CSPP1: variants seen among roughly 807,000 people sequenced by gnomAD.
The protein encoded by CSPP1 is centrosome and spindle pole-associated protein 1.
Under a neutral mutation model 164.4 loss-of-function variants are expected in CSPP1, and 126 were observed. The observed-to-expected ratio is 0.77, with a 90% CI of 0.66 to 0.89. The LOEUF (loss-of-function observed/expected upper bound fraction) is 0.89, where lower values mean the gene tolerates loss of function less well. Ranked by LOEUF, CSPP1 falls within the 40% of genes least tolerant of loss-of-function variation. The pLI, the probability that CSPP1 is intolerant of heterozygous loss-of-function variation, is 0.00. For missense variants in CSPP1, 1,395 were observed against 1,449.8 expected, an observed-to-expected ratio of 0.96 and a Z score of 0.61; for synonymous variants, 472 against 476.7, an observed-to-expected ratio of 0.99 and a Z score of 0.13.
chr8:67,083,526 T>C (rs1809662420), intron 3 of CSPP1, among the ~76,000 whole-genome samples: 1 of 96,246 alleles, frequency 1.0e-5, no homozygotes, highest in African/African-American at 5.1e-5. Flanking sequence ...AGTGAGACTT[T>C]GTCTCAAAAA....
chr8:67,176,482 A>G (rs1354962991), intron 26 of CSPP1, among the ~76,000 whole-genome samples: 3 of 152,174 alleles, frequency 2.0e-5, no homozygotes, highest in East Asian at 3.8e-4. Context: ...ATTTTTAATA[A>G]CAGCCTCATA....
At chr8:67,115,873 A>G (rs1033448599) in intron 12 of CSPP1, 41 bp from the exon 13 acceptor site, 1 of 1,522,924 alleles carries the variant, frequency 6.6e-7, no homozygotes, top group Non-Finnish European at 9.1e-7. Flanking sequence ...CTTTAAACTT[A>G]TGATTATATG....
intron 3 of CSPP1, chr8:67,084,013 T>C (rs537829087): frequency 6.6e-6 from 1 of 152,332 alleles, no homozygotes; most frequent in Non-Finnish European, 1.5e-5. Flanking sequence ...CATTATAAAA[T>C]TGAATAGCGC....
intron 19 of CSPP1, chr8:67,157,705 A>G (rs1011752640): frequency 6.6e-6 from 1 of 152,406 alleles, no homozygotes; most frequent in Admixed American, 6.5e-5. Flanking sequence ...AACCAGAGAC[A>G]TGAATACCTG....
chr8:67,138,765 C>A (rs1182616930), intron 17 of CSPP1, among the ~76,000 whole-genome samples: 1 of 152,168 alleles, frequency 6.6e-6, no homozygotes, highest in Non-Finnish European at 1.5e-5. Context: ...ATGGTAGTTT[C>A]TTTTGCCATG....
rs375985758 is a variant in CSPP1, at chr8:67,076,530, A to G, written c.148A>G (p.Met50Val). 3.7e-5 allele frequency: 59 copies of G among 1,604,282 alleles called. No homozygotes were observed. In the African/African-American group the frequency reaches 5.4e-4, roughly 15 times the overall value. ...LSENSKILIS[M>V]AKENIPPNSQ... Reference sequence around the variant, plus strand: ...TGAAAACAGTAAGATACTGATCTCTATGGCTAAGGAAAACATACCACCAAA... The same window carrying G: ...TGAAAACAGTAAGATACTGATCTCTGTGGCTAAGGAAAACATACCACCAAA... The change falls in exon 3 of 31, where the codon ATG (methionine) becomes GTG (valine). Residue 50 changes from methionine to valine, a missense_variant. Coordinates refer to ENST00000678616, the MANE Select transcript of CSPP1 (RefSeq NM_001382391.1).
At chr8:67,107,983 G>GTTTTTTTTTTTTTTTTTTTTTT (rs34204898) in intron 9 of CSPP1, among the ~76,000 whole-genome samples, 9 of 127,160 alleles carry the variant, frequency 7.1e-5, no homozygotes, top group African/African-American at 1.8e-4. Flanking sequence ...CTTTGACAAA[G>GTTTTTTTTTTTTTTTTTTTTTT]TTTTTTTTTT....
chr8:67,085,294 A>T (rs1810147891), intron 3 of CSPP1, among the ~76,000 whole-genome samples: 1 of 152,074 alleles, frequency 6.6e-6, no homozygotes, highest in Non-Finnish European at 1.5e-5. Flanking sequence ...ATCCATTTTT[A>T]TGAAATCAGA....
At chr8:67,076,792 T>G (rs567629566) in intron 3 of CSPP1, among the ~76,000 whole-genome samples, 1 of 152,346 alleles carries the variant, frequency 6.6e-6, no homozygotes, top group South Asian at 2.1e-4. Flanking sequence ...GGTTATGATT[T>G]ATGGAACTTA....
chr8:67,181,119 C>T (rs1832918839), intron 28 of CSPP1, among the ~76,000 whole-genome samples: 2 of 151,894 alleles, frequency 1.3e-5, no homozygotes. Context: ...CTCACTACAG[C>T]CTCAAATTCC....
chr8:67,087,112 C>A (rs1384282810), intron 4 of CSPP1, among the ~76,000 whole-genome samples: 2 of 144,604 alleles, frequency 1.4e-5, no homozygotes, highest in East Asian at 3.9e-4. Flanking sequence ...CTTATGCATT[C>A]TTTTTGAATA....
intron 15 of CSPP1, among the ~76,000 whole-genome samples, chr8:67,130,966 C>T (rs141691277): frequency 0.083 from 12,600 of 151,660 alleles, 1,066 homozygotes; most frequent in African/African-American, 0.22. Context: ...TCAGCCTGGG[C>T]GACAAGAGTG....
intron 23 of CSPP1, 105 bp downstream of exon 23, chr8:67,163,903 G>C: frequency 1.2e-6 from 1 of 829,226 alleles, no homozygotes; most frequent in Non-Finnish European, 1.9e-6. Flanking sequence ...GTATAGAGCG[G>C]TTAGGTGCTG....
At chr8:67,092,594 C>T (rs1239908772) in intron 5 of CSPP1, among the ~76,000 whole-genome samples, 1 of 152,072 alleles carries the variant, frequency 6.6e-6, no homozygotes, top group Non-Finnish European at 1.5e-5. Context: ...CAGGCCCCTG[C>T]CACCAAGCCC....
At chr8:67,182,317 CTT>C (rs112406408) in intron 28 of CSPP1, among the ~76,000 whole-genome samples, 23 of 146,218 alleles carry the variant, frequency 1.6e-4, no homozygotes, top group Admixed American at 9.5e-4. Context: ...CAGATTTCCC[CTT>C]TTTTTTTTTA....
At position 67,064,590 on chromosome 8, in the gene CSPP1, C is replaced by A. The variant is rs892439736; in HGVS notation, c.-11+52C>A. ...GGGTGGAGGGTCCTGGGGCTGCATT[C>A]GCTGCCCCGGAGCGGGGGCAGGGGC... is the stretch of plus-strand genomic sequence containing the variant. On this transcript the variant is annotated intron_variant, in intron 1 of 30. Transcript: ENST00000678616. 4.3e-6 allele frequency: 6 copies of A among 1,397,732 alleles called. No homozygotes were observed. In the African/African-American group the frequency reaches 7.3e-5, roughly 17 times the overall value. The allele number at this position is 1,397,732 out of a possible 1,614,324, so 86.6% of individuals were successfully genotyped here.
chr8:67,149,438 T>C (rs1231057063), intron 17 of CSPP1, among the ~76,000 whole-genome samples: 1 of 152,184 alleles, frequency 6.6e-6, no homozygotes, highest in Non-Finnish European at 1.5e-5. Context: ...ACAGGTAAAT[T>C]ACACTATGAG....
At chr8:67,076,228 T>C (rs537972525) in intron 2 of CSPP1, among the ~76,000 whole-genome samples, 4 of 152,306 alleles carry the variant, frequency 2.6e-5, no homozygotes, top group Admixed American at 2.0e-4. Context: ...ACTCTTATAC[T>C]TTCAATGCTT....
rs1334965098 is a variant in CSPP1, at chr8:67,137,587, A to G, written c.1959A>G (p.Ala653=). 1 of 1,554,136 alleles carries G rather than the reference A, an allele frequency of 6.4e-7. No homozygotes were observed. The highest frequency in any genetic ancestry group is 8.7e-7 in the Non-Finnish European group (1 of 1,155,072). The part of the protein sequence containing the change: ...KGGGGAPLRD[A]KGNLITDLNR... ...GAGGTGGTGCTCCTCTCAGGGATGC[A>G]AAAGGAAATCTGATAAGTACGTTAT... Residue 653 remains alanine (A), a synonymous_variant, in exon 17 of 31, where the codon GCA becomes GCG. Transcript: ENST00000678616.
Sources: gnomAD v4.1 joint callset for allele counts (sites outside exome capture counted in the v4.1 genomes callset) on GRCh38, gnomAD v4.1.1 for gene constraint, MANE v1.5 for transcripts, NCBI Gene and HGNC (gene_info 2026-07-23, HGNC 2026-07-21) for gene names.